Variants in MYO1D observed in about 807,000 individuals in gnomAD.
The protein encoded by MYO1D is myosin ID.
A neutral mutation model predicts 122.0 loss-of-function variants in MYO1D; 83 were observed. That is an observed-to-expected ratio of 0.68 (90% CI 0.57 to 0.82). The LOEUF is 0.82. Ranked by LOEUF, MYO1D falls within the 40% of genes least tolerant of loss-of-function variation. MYO1D has a pLI of 0.00. For synonymous variants in MYO1D, 464 were observed against 446.9 expected, an observed-to-expected ratio of 1.04 and a Z score of -0.48; for missense variants, 1,157 against 1,269.5, an observed-to-expected ratio of 0.91 and a Z score of 1.35.
At chr17:32,669,839 AT>A (rs796950736) in intron 16 of MYO1D, among the ~76,000 whole-genome samples, 64 of 152,258 alleles carry the variant, frequency 4.2e-4, no homozygotes, top group African/African-American at 1.4e-3. Context: ...TTTTATACAC[AT>A]TTTATTTAGC....
chr17:32,671,364 G>T lies in MYO1D; in HGVS notation c.2122-12026C>A, dbSNP rs559424476. Among the ~76,000 whole-genome samples, 18 of 152,294 alleles carry T rather than the reference G, an allele frequency of 1.2e-4. No individual in the cohort carries two copies. In the South Asian group the frequency reaches 3.7e-3, roughly 32 times the overall value. On this transcript the variant is annotated intron_variant, in intron 16 of 21. Coordinates refer to ENST00000318217, the MANE Select transcript of MYO1D (RefSeq NM_015194.3). The stretch of plus-strand genomic sequence containing the variant: ...GTGGGCCAAGTAGACAGGGTGCCCG[G>T]GCTGCGAGTCTAGCAAAGGGGCCAA...
At chr17:32,583,692 C>A (rs1224635595) in intron 21 of MYO1D, among the ~76,000 whole-genome samples, 2 of 151,442 alleles carry the variant, frequency 1.3e-5, no homozygotes, top group African/African-American at 4.8e-5. Flanking sequence ...TATCAGACAT[C>A]ATAGTTTTCA....
At chr17:32,592,656 G>A (rs1405566737) in intron 21 of MYO1D, among the ~76,000 whole-genome samples, 3 of 151,472 alleles carry the variant, frequency 2.0e-5, no homozygotes, top group African/African-American at 7.3e-5. Flanking sequence ...ATACCAACCA[G>A]GAGGGGAGGG....
chr17:32,825,494 T>C (rs1016637151), intron 1 of MYO1D, among the ~76,000 whole-genome samples: 4 of 152,284 alleles, frequency 2.6e-5, no homozygotes, highest in Non-Finnish European at 4.4e-5. Context: ...GGTTTCACCA[T>C]GTTGCCCAGG....
rs142028654 is a variant in MYO1D at position 32,705,642 on chromosome 17, G to A, written c.2121+6346C>T. Among the ~76,000 whole-genome samples, 499 of 152,196 alleles carry A rather than the reference G, an allele frequency of 3.3e-3. 2 individuals carry two copies. Among genetic ancestry groups the A allele is most frequent in the African/African-American group, 0.012 (482 of 41,532 alleles). On this transcript the variant is annotated intron_variant, in intron 16 of 21. Coordinates refer to ENST00000318217, the MANE Select transcript of MYO1D (RefSeq NM_015194.3). Reference sequence around the variant, plus strand: ...AAGACTATACATTTTTTTATGCATCGGAAAGTAACACAGTTTGTATCTCTC... The same window carrying A: ...AAGACTATACATTTTTTTATGCATCAGAAAGTAACACAGTTTGTATCTCTC...
intron 16 of MYO1D, among the ~76,000 whole-genome samples, chr17:32,689,362 T>C (rs1404702777): frequency 6.6e-6 from 1 of 152,230 alleles, no homozygotes; most frequent in Non-Finnish European, 1.5e-5. Flanking sequence ...AGCTGAGTAG[T>C]AAACATCTTA....
At chr17:32,759,151 G>A (rs960946211) in intron 10 of MYO1D, among the ~76,000 whole-genome samples, 1 of 152,062 alleles carries the variant, frequency 6.6e-6, no homozygotes, top group Non-Finnish European at 1.5e-5. Context: ...AATTTTAATT[G>A]TATTAGGAGA....
chr17:32,572,944 C>T (rs2087244783), intron 21 of MYO1D, among the ~76,000 whole-genome samples: 2 of 152,082 alleles, frequency 1.3e-5, no homozygotes, highest in African/African-American at 4.8e-5. Flanking sequence ...TCACAGCACT[C>T]CAGACATTAT....
chr17:32,743,711 AG>A (rs1366345517), intron 13 of MYO1D, among the ~76,000 whole-genome samples: 1 of 151,828 alleles, frequency 6.6e-6, no homozygotes, highest in African/African-American at 2.4e-5. Flanking sequence ...TCCGCCTCCC[AG>A]GTTCATGCCA....
At chr17:32,750,769 C>A (rs567541221) in intron 11 of MYO1D, among the ~76,000 whole-genome samples, 2 of 152,192 alleles carry the variant, frequency 1.3e-5, no homozygotes, top group Non-Finnish European at 2.9e-5. Context: ...CAGACCTCCA[C>A]GGTTCAAATC....
chr17:32,545,257 C>T (rs888173185), intron 21 of MYO1D, among the ~76,000 whole-genome samples: 1 of 152,226 alleles, frequency 6.6e-6, no homozygotes, highest in South Asian at 2.1e-4. Flanking sequence ...CTCTCCAGGG[C>T]TCAGTTTCCT....
intron 16 of MYO1D, among the ~76,000 whole-genome samples, chr17:32,694,839 T>C (rs2089152022): frequency 6.6e-6 from 1 of 151,024 alleles, no homozygotes; most frequent in Non-Finnish European, 1.5e-5. Context: ...CCCACACTAC[T>C]ACCATCTTCC....
At chr17:32,621,515 T>C (rs1166266187) in intron 20 of MYO1D, among the ~76,000 whole-genome samples, 1 of 152,050 alleles carries the variant, frequency 6.6e-6, no homozygotes, top group Non-Finnish European at 1.5e-5. Context: ...AAGCTATGGA[T>C]GGATTAAAAA....
At chr17:32,813,177 A>G (rs1246488312) in intron 1 of MYO1D, among the ~76,000 whole-genome samples, 1 of 152,236 alleles carries the variant, frequency 6.6e-6, no homozygotes, top group African/African-American at 2.4e-5. Context: ...AAGTCTGAAA[A>G]AAGACTAGGT....
At chr17:32,787,577 C>A (rs776041461) in intron 1 of MYO1D, among the ~76,000 whole-genome samples, 2 of 152,104 alleles carry the variant, frequency 1.3e-5, no homozygotes, top group Non-Finnish European at 2.9e-5. Context: ...CACCACCACG[C>A]CTGGCTAATT....
intron 1 of MYO1D, among the ~76,000 whole-genome samples, chr17:32,799,659 C>T (rs1388213502): frequency 7.0e-6 from 1 of 143,636 alleles, no homozygotes; most frequent in African/African-American, 2.7e-5. Flanking sequence ...AAGCAAAGAG[C>T]AAAACCAAAA....
chr17:32,528,615 G>T (rs1910419443), intron 21 of MYO1D, among the ~76,000 whole-genome samples: 1 of 152,164 alleles, frequency 6.6e-6, no homozygotes, highest in Non-Finnish European at 1.5e-5. Flanking sequence ...ATTATGTAAG[G>T]CTGCTGAGAT....
At chr17:32,638,932 G>A (rs2088148315) in intron 19 of MYO1D, 97 bp from the exon 20 acceptor site, 9 of 774,362 alleles carry the variant, frequency 1.2e-5, no homozygotes, top group Non-Finnish European at 1.6e-5. Flanking sequence ...TGTGAACCAT[G>A]TATGGCCACT....
rs552364722 is a variant in MYO1D, at chr17:32,519,983, T to C, written c.2865-25068A>G. 2.7e-5 allele frequency among the ~76,000 whole-genome samples: 4 copies of C among 150,716 alleles called. No homozygotes were observed. In the East Asian group the frequency reaches 5.9e-4, roughly 22 times the overall value. ...GGGCTACCCCCGCAGCCATGTGAAATAGGATTAGTGGAAACCCTGAAGACT... is the reference window on the plus strand; with the variant it reads ...GGGCTACCCCCGCAGCCATGTGAAACAGGATTAGTGGAAACCCTGAAGACT... On this transcript the variant is annotated intron_variant, in intron 21 of 21. Transcript: ENST00000318217.
Sources: allele counts gnomAD v4.1 joint callset (sites outside exome capture counted in the v4.1 genomes callset), GRCh38; gene constraint gnomAD v4.1.1; transcripts MANE v1.5; gene names NCBI Gene and HGNC (gene_info 2026-07-23, HGNC 2026-07-21).